Variants in NREP observed in about 807,000 individuals in gnomAD.
NREP encodes neuronal regeneration-related protein.
In NREP, 5 loss-of-function variants were observed where a neutral mutation model predicts 8.6. The ratio of observed to expected loss-of-function variants is 0.58; its 90% confidence interval spans 0.30 to 1.22. NREP has a LOEUF of 1.22. Among genes scored for constraint, NREP ranks in the 50% most tolerant of loss-of-function variants. NREP has a pLI of 0.07. For synonymous variants in NREP, 27 were observed against 28.0 expected (o/e 0.96, Z 0.11); for missense variants, 86 against 82.5 (o/e 1.04, Z -0.17).
intron 2 of NREP, among the ~76,000 whole-genome samples, chr5:111,804,000 C>T (rs1040982026): frequency 3.9e-5 from 6 of 152,214 alleles, no homozygotes; most frequent in Admixed American, 1.3e-4. Flanking sequence ...CTAGTAGTCC[C>T]TTTTTTCCCT....
chr5:111,805,056 C>T (rs956358406), intron 2 of NREP, among the ~76,000 whole-genome samples: 3 of 152,062 alleles, frequency 2.0e-5, no homozygotes, highest in African/African-American at 7.2e-5. Flanking sequence ...GGGCATATGA[C>T]ACGAACAGCC....
chr5:111,832,577 G>T (rs1250656477), intron 2 of NREP, among the ~76,000 whole-genome samples: 1 of 152,068 alleles, frequency 6.6e-6, no homozygotes, highest in Non-Finnish European at 1.5e-5. Flanking sequence ...CCTCAGGAAG[G>T]AAAATGCAAT....
intron 2 of NREP, among the ~76,000 whole-genome samples, chr5:111,863,065 A>C (rs1320943554): frequency 6.6e-6 from 1 of 151,936 alleles, no homozygotes; most frequent in Admixed American, 6.6e-5. Flanking sequence ...CTTTGACCTT[A>C]AGGTAGAAAT....
At chr5:111,779,935 G>A (rs1472856159) in intron 2 of NREP, among the ~76,000 whole-genome samples, 2 of 152,122 alleles carry the variant, frequency 1.3e-5, no homozygotes, top group Admixed American at 6.6e-5. Context: ...CTGTTCTTAG[G>A]CATATTCATA....
chr5:111,956,272 C>T (rs978764334), intron 2 of NREP, among the ~76,000 whole-genome samples: 5 of 151,964 alleles, frequency 3.3e-5, no homozygotes, highest in African/African-American at 1.2e-4. Flanking sequence ...AGAAAATAAA[C>T]AACAGACATA....
intron 2 of NREP, among the ~76,000 whole-genome samples, chr5:111,766,100 C>T (rs949351299): frequency 4.6e-5 from 7 of 152,186 alleles, no homozygotes; most frequent in African/African-American, 1.4e-4. Flanking sequence ...AACTGCACTT[C>T]GTAACTTCAA....
chr5:111,869,038 C>T (rs970556080), intron 2 of NREP, among the ~76,000 whole-genome samples: 1 of 152,172 alleles, frequency 6.6e-6, no homozygotes, highest in Non-Finnish European at 1.5e-5. Context: ...TCATAGAACA[C>T]GCATGCTCAC....
chr5:111,887,589 C>G (rs1171292621), intron 2 of NREP, among the ~76,000 whole-genome samples: 1 of 152,086 alleles, frequency 6.6e-6, no homozygotes, highest in Non-Finnish European at 1.5e-5. Flanking sequence ...TTGGACACTT[C>G]AATGAATATA....
At chr5:111,761,449 C>T (rs1350054576), upstream of NREP, among the ~76,000 whole-genome samples, 3 of 152,212 alleles carry the variant, frequency 2.0e-5, no homozygotes, top group African/African-American at 4.8e-5. Flanking sequence ...GTTTAGGCAT[C>T]ACCACCTTTT....
At chr5:111,756,296 TAA>T (rs77528562) in intron 1 of NREP, 1,505 of 234,842 alleles carry the variant, frequency 6.4e-3, no homozygotes, top group Middle Eastern at 0.013. Context: ...CTTCCGTGTT[TAA>T]AAAAAAAAAA....
At chr5:111,868,860 A>G (rs1753725767) in intron 2 of NREP, among the ~76,000 whole-genome samples, 2 of 151,576 alleles carry the variant, frequency 1.3e-5, no homozygotes, top group Non-Finnish European at 1.5e-5. Context: ...CACAATTGTG[A>G]ATTTTCCATA....
At chr5:111,752,972 G>A (rs1406047143) in intron 2 of NREP, among the ~76,000 whole-genome samples, 2 of 151,966 alleles carry the variant, frequency 1.3e-5, no homozygotes, top group African/African-American at 4.8e-5. Context: ...TAGATCTCAT[G>A]TAAAATACAA....
intron 2 of NREP, among the ~76,000 whole-genome samples, chr5:111,865,934 C>G (rs925270993): frequency 2.0e-5 from 3 of 152,092 alleles, no homozygotes; most frequent in Non-Finnish European, 2.9e-5. Flanking sequence ...ATAAACTGTT[C>G]AACAATGCAT....
intron 2 of NREP, among the ~76,000 whole-genome samples, chr5:111,888,791 A>G (rs370079440): frequency 6.6e-6 from 1 of 152,184 alleles, no homozygotes; most frequent in Non-Finnish European, 1.5e-5. Flanking sequence ...AGATGGATTG[A>G]GCTGTATTTC....
intron 2 of NREP, among the ~76,000 whole-genome samples, chr5:111,812,255 C>T (rs1378707373): frequency 6.6e-6 from 1 of 152,058 alleles, no homozygotes; most frequent in Admixed American, 6.6e-5. Context: ...CCACTGCACT[C>T]CAGCCTGTGT....
At chr5:111,892,734 T>C (rs1362176567) in intron 2 of NREP, among the ~76,000 whole-genome samples, 1 of 152,132 alleles carries the variant, frequency 6.6e-6, no homozygotes, top group Non-Finnish European at 1.5e-5. Context: ...CTTCTGAATG[T>C]ATTAACAAAA....
At chr5:111,880,309 T>C (rs535080871) in intron 2 of NREP, among the ~76,000 whole-genome samples, 2 of 152,330 alleles carry the variant, frequency 1.3e-5, no homozygotes, top group East Asian at 1.9e-4. Context: ...GTAGAATAAG[T>C]ATATTCATTT....
chr5:111,782,624 T>A (rs1055996949), intron 2 of NREP, among the ~76,000 whole-genome samples: 1 of 152,120 alleles, frequency 6.6e-6, no homozygotes, highest in Non-Finnish European at 1.5e-5. Context: ...ACTCTAAATA[T>A]AATATTTTGA....
chr5:111,754,560 A>G (rs1208039912), intron 2 of NREP, among the ~76,000 whole-genome samples: 1 of 152,246 alleles, frequency 6.6e-6, no homozygotes, highest in Non-Finnish European at 1.5e-5. Context: ...TTCTATGACA[A>G]CAGCTAATTA....
Sources: allele counts gnomAD v4.1 joint callset (sites outside exome capture counted in the v4.1 genomes callset), GRCh38; gene constraint gnomAD v4.1.1; transcripts MANE v1.5; gene names NCBI Gene and HGNC (gene_info 2026-07-23, HGNC 2026-07-21).